The following SUSD6 variants were observed in gnomAD, a reference collection of about 807,000 sequenced individuals.
SUSD6 encodes sushi domain-containing protein 6.
Under a neutral mutation model 28.4 loss-of-function variants are expected in SUSD6, and 16 were observed. That is an observed-to-expected ratio of 0.56 (90% CI 0.38 to 0.86). The LOEUF (loss-of-function observed/expected upper bound fraction) is 0.86, where lower values mean the gene tolerates loss of function less well. Among genes scored for constraint, SUSD6 ranks in the 40% least tolerant of loss-of-function variants. The probability of loss-of-function intolerance (pLI) is 0.00; values close to 1 mark genes in which losing one functional copy is unlikely to be tolerated. For missense variants in SUSD6, 341 were observed against 384.2 expected (o/e 0.89, Z 0.94); for synonymous variants, 147 against 159.6 (o/e 0.92, Z 0.59).
intron 2 of SUSD6, among the ~76,000 whole-genome samples, chr14:69,688,246 T>C (rs1296874832): frequency 6.6e-6 from 1 of 152,254 alleles, no homozygotes. Context: ...AAAGTCAAGG[T>C]AATTTGAATA....
rs905026748 is a variant in SUSD6 at position 69,634,057 on chromosome 14, A to G, written c.-81+22229A>G. Among the ~76,000 whole-genome samples the G allele has an allele frequency of 5.3e-5, 8 of 152,190 alleles. No homozygotes were observed. The South Asian group carries it at 1.7e-3, about 31-fold the overall frequency. On this transcript the variant is annotated intron_variant, in intron 1 of 5. Coordinates refer to ENST00000342745, the MANE Select transcript of SUSD6 (RefSeq NM_014734.4). The stretch of plus-strand genomic sequence containing the variant: ...TCAGACTTGTCTCCCAAGAGTTTGT[A>G]TTATCATGGGATTCTCTTGAAACTC...
At chr14:69,654,173 C>T (rs907123613) in intron 1 of SUSD6, among the ~76,000 whole-genome samples, 7 of 152,138 alleles carry the variant, frequency 4.6e-5, no homozygotes, top group Non-Finnish European at 1.0e-4. Context: ...AACAAAAAAC[C>T]TAAAACTGAT....
At chr14:69,679,932 T>A (rs1885974123) in intron 2 of SUSD6, among the ~76,000 whole-genome samples, 1 of 152,220 alleles carries the variant, frequency 6.6e-6, no homozygotes. Flanking sequence ...ATTTTATGCC[T>A]TCTCAGAAAC....
chr14:69,709,962 G>A (rs566037680), intron 5 of SUSD6, among the ~76,000 whole-genome samples: 5 of 152,306 alleles, frequency 3.3e-5, no homozygotes, highest in African/African-American at 1.2e-4. Context: ...TGGGTATCCT[G>A]GGCATAGTAA....
intron 1 of SUSD6, among the ~76,000 whole-genome samples, chr14:69,644,594 G>A (rs892871269): frequency 2.0e-4 from 31 of 151,650 alleles, no homozygotes; most frequent in African/African-American, 7.0e-4. Flanking sequence ...AGTGAGCCAA[G>A]ATTATGCCAC....
intron 2 of SUSD6, among the ~76,000 whole-genome samples, chr14:69,662,351 T>A (rs1453370774): frequency 6.6e-6 from 1 of 152,190 alleles, no homozygotes; most frequent in African/African-American, 2.4e-5. Flanking sequence ...CATCATCAAA[T>A]ATCACAGTTT....
At chr14:69,690,746 A>G (rs1886140810) in intron 2 of SUSD6, among the ~76,000 whole-genome samples, 2 of 152,272 alleles carry the variant, frequency 1.3e-5, no homozygotes, top group South Asian at 4.2e-4. Context: ...AAAACAGAGA[A>G]TCTCATCCCG....
chr14:69,688,173 C>T (rs3784149), intron 2 of SUSD6, among the ~76,000 whole-genome samples: 7,097 of 152,240 alleles, frequency 0.047, 208 homozygotes, highest in East Asian at 0.15. Flanking sequence ...ACTTCTGTTC[C>T]TCTTCCACCT....
At chr14:69,659,489 A>T (rs868806198) in intron 2 of SUSD6, among the ~76,000 whole-genome samples, 1 of 152,126 alleles carries the variant, frequency 6.6e-6, no homozygotes, top group African/African-American at 2.4e-5. Context: ...GGGGCTAGAC[A>T]TGCCCCATTG....
chr14:69,693,368 A>G (rs1218707405), intron 2 of SUSD6, among the ~76,000 whole-genome samples: 2 of 152,120 alleles, frequency 1.3e-5, no homozygotes, highest in South Asian at 2.1e-4. Context: ...AAAGGGTAAC[A>G]GGCCATATGG....
chr14:69,671,441 G>T (rs899654532), intron 2 of SUSD6, among the ~76,000 whole-genome samples: 4 of 152,180 alleles, frequency 2.6e-5, no homozygotes, highest in Non-Finnish European at 5.9e-5. Flanking sequence ...CATGCTTCTT[G>T]ACTCTCATCA....
rs1886491451 is a variant in SUSD6, at chr14:69,713,099, T to C, written c.*2120T>C. ...CACTGTTTCAAAACCCGCATTCTAT[T>C]CTAGAATGGTTTTTAAAATGGAAGA... On this transcript the variant is annotated 3_prime_UTR_variant, in exon 6 of 6. Coordinates refer to ENST00000342745, the MANE Select transcript of SUSD6 (RefSeq NM_014734.4). 1.3e-5 allele frequency: 2 copies of C among 152,210 alleles called. No homozygotes were observed. Among genetic ancestry groups the C allele is most frequent in the African/African-American group, 4.8e-5 (2 of 41,446 alleles). 9.4% of individuals were successfully genotyped at this position (152,210 alleles called of 1,614,324 possible).
intron 5 of SUSD6, among the ~76,000 whole-genome samples, chr14:69,709,844 C>T (rs1886437448): frequency 6.6e-6 from 1 of 152,156 alleles, no homozygotes; most frequent in Non-Finnish European, 1.5e-5. Flanking sequence ...AAGGTAAATC[C>T]CAATGTAGTT....
At chr14:69,654,511 TA>T (rs1299035159) in intron 1 of SUSD6, among the ~76,000 whole-genome samples, 2 of 152,206 alleles carry the variant, frequency 1.3e-5, no homozygotes, top group African/African-American at 4.8e-5. Flanking sequence ...GCTGAGCCCC[TA>T]AAATGACTCT....
At chr14:69,680,331 C>G (rs920810691) in intron 2 of SUSD6, among the ~76,000 whole-genome samples, 2 of 152,158 alleles carry the variant, frequency 1.3e-5, no homozygotes, top group East Asian at 3.8e-4. Context: ...GACTGGTTAA[C>G]TGCAGTCAAG....
intron 2 of SUSD6, among the ~76,000 whole-genome samples, chr14:69,668,228 G>T (rs182598825): frequency 6.6e-6 from 1 of 152,218 alleles, no homozygotes; most frequent in Non-Finnish European, 1.5e-5. Flanking sequence ...AAAAGAGAGG[G>T]CCCAGGCAAC....
rs1445994791 is a variant in SUSD6, at chr14:69,677,311, C to T, written c.121+18598C>T. 2.6e-5 allele frequency among the ~76,000 whole-genome samples: 4 copies of T among 152,060 alleles called. No homozygotes were observed. In the East Asian group the frequency reaches 7.7e-4, roughly 29 times the overall value. On this transcript the variant is annotated intron_variant, in intron 2 of 5. Transcript: ENST00000342745. ...CTGTAATCCCAGCACTTTGGGAGGC[C>T]GAGGCGGGTGGATCACAAGGTCAGG...
At chr14:69,628,955 C>T (rs1283047555) in intron 1 of SUSD6, among the ~76,000 whole-genome samples, 1 of 152,086 alleles carries the variant, frequency 6.6e-6, no homozygotes, top group Middle Eastern at 3.2e-3. Flanking sequence ...GATCTGCCAG[C>T]CTTGGCCTCC....
At chr14:69,640,543 G>T (rs997035153) in intron 1 of SUSD6, among the ~76,000 whole-genome samples, 3 of 152,102 alleles carry the variant, frequency 2.0e-5, no homozygotes, top group African/African-American at 7.2e-5. Flanking sequence ...TCACTCTGTT[G>T]CCCAGGTGGT....
Sources: allele counts gnomAD v4.1 joint callset (sites outside exome capture counted in the v4.1 genomes callset), GRCh38; gene constraint gnomAD v4.1.1; transcripts MANE v1.5; gene names NCBI Gene and HGNC (gene_info 2026-07-23, HGNC 2026-07-21).